Variants in MDFIC observed in about 807,000 individuals in gnomAD.
MDFIC encodes MyoD family inhibitor domain containing, also known as myoD family inhibitor domain-containing protein.
In MDFIC, 17 loss-of-function variants were observed where a neutral mutation model predicts 23.2. That is an observed-to-expected ratio of 0.73 (90% confidence interval 0.50 to 1.10). The LOEUF (loss-of-function observed/expected upper bound fraction) is 1.10, where lower values mean the gene tolerates loss of function less well. Among genes scored for constraint, MDFIC ranks in the 50% least tolerant of loss-of-function variants. The pLI, the probability that MDFIC is intolerant of heterozygous loss-of-function variation, is 0.00. For missense variants in MDFIC, 356 were observed against 316.6 expected, an observed-to-expected ratio of 1.12 and a Z score of -0.95; for synonymous variants, 120 against 115.2, an observed-to-expected ratio of 1.04 and a Z score of -0.27.
At chr7:115,000,135 C>G (rs1270778383) in intron 4 of MDFIC, among the ~76,000 whole-genome samples, 1 of 152,082 alleles carries the variant, frequency 6.6e-6, no homozygotes, top group East Asian at 1.9e-4. Context: ...GAACGGTGGT[C>G]CCATAAAATA....
chr7:114,949,552 A>T (rs759420388), intron 3 of MDFIC, among the ~76,000 whole-genome samples: 3 of 152,210 alleles, frequency 2.0e-5, no homozygotes, highest in Non-Finnish European at 4.4e-5. Flanking sequence ...GAAATTTGTG[A>T]ATTAGGAATT....
At chr7:115,013,307 G>C (rs1791718946) in intron 4 of MDFIC, among the ~76,000 whole-genome samples, 1 of 151,430 alleles carries the variant, frequency 6.6e-6, no homozygotes, top group African/African-American at 2.4e-5. Context: ...ACTAAAGGAG[G>C]CTTCAAAAAT....
In MDFIC at chr7:115,013,981, G is replaced by A. The variant is rs555540424; in HGVS notation, c.494-1707G>A. On this transcript the variant is annotated intron_variant, in intron 4 of 4. Transcript: ENST00000393486. ...TGTTTTTGTTTTTGTTTTTCCAGTC[G>A]CTGCATGGACCATCATATGTAAAAG... The A allele has an allele frequency of 2.0e-5, 20 of 985,066 alleles. 1 individual carries two copies. The highest frequency in any genetic ancestry group is 9.4e-5 in the South Asian group (2 of 21,264). 61.0% of individuals were successfully genotyped at this position (985,066 alleles called of 1,614,324 possible).
At chr7:114,959,229 A>G (rs953945235) in intron 3 of MDFIC, among the ~76,000 whole-genome samples, 2 of 152,228 alleles carry the variant, frequency 1.3e-5, no homozygotes, top group Non-Finnish European at 2.9e-5. Flanking sequence ...AGGTGTGATC[A>G]TAGCCTGGTC....
intron 4 of MDFIC, among the ~76,000 whole-genome samples, chr7:115,012,196 G>T (rs564453960): frequency 6.6e-6 from 1 of 152,010 alleles, no homozygotes; most frequent in East Asian, 1.9e-4. Flanking sequence ...CCAGTATCTC[G>T]AATATCTGAA....
chr7:114,966,354 C>T lies in MDFIC; in HGVS notation c.218-13152C>T, dbSNP rs575511441. The stretch of plus-strand genomic sequence containing the variant: ...GCCTGTTGTTACTTCTGATTTATGA[C>T]TGGGAAAGTCTGTGTTCATTGTGCT... On this transcript the variant is annotated intron_variant, in intron 3 of 4. Transcript: ENST00000393486. Among the ~76,000 whole-genome samples, 33 of 147,378 alleles carry T rather than the reference C, an allele frequency of 2.2e-4. No individual in the cohort carries two copies. In the South Asian group the frequency reaches 6.0e-3, roughly 27 times the overall value.
intron 3 of MDFIC, among the ~76,000 whole-genome samples, chr7:114,956,896 A>AG (rs2115842918): frequency 6.6e-6 from 1 of 152,314 alleles, no homozygotes; most frequent in South Asian, 2.1e-4. Context: ...GGTTTCTTAC[A>AG]GTTATGACTG....
At chr7:114,973,066 T>C (rs2115925883) in intron 3 of MDFIC, among the ~76,000 whole-genome samples, 1 of 151,096 alleles carries the variant, frequency 6.6e-6, no homozygotes, top group East Asian at 1.9e-4. Context: ...TTTAAGTCAT[T>C]TGGGCTAAAG....
At chr7:114,976,214 A>G (rs1793306027) in intron 3 of MDFIC, among the ~76,000 whole-genome samples, 1 of 152,158 alleles carries the variant, frequency 6.6e-6, no homozygotes, top group Admixed American at 6.6e-5. Flanking sequence ...ATTTTGAATT[A>G]TGAAATATGA....
chr7:115,003,479 A>G (rs763219549), intron 4 of MDFIC, among the ~76,000 whole-genome samples: 3 of 152,262 alleles, frequency 2.0e-5, no homozygotes, highest in Middle Eastern at 3.4e-3. Flanking sequence ...GTCACGCTTG[A>G]TTCTTCTCAT....
Position 114,923,037 on chromosome 7 carries a change from TCCGGCGCGGGCGAAGCCCTCGCTC to T in MDFIC, c.9_32del (p.Ala4_Gly11del), listed in dbSNP as rs1792120620. On this transcript the variant is annotated inframe_deletion, in exon 2 of 5. Transcript: ENST00000393486. ...CGCGGGCTCGGCGGAGCGGCCCATG[TCCGGCGCGGGCGAAGCCCTCGCTC>T]CCGGGCCCGTGGGGCCGCAGCGCGT... 1.5e-6 allele frequency: 2 copies of T among 1,373,428 alleles called. No homozygotes were observed. The highest frequency in any genetic ancestry group is 1.9e-6 in the Non-Finnish European group (2 of 1,065,978). The allele number at this position is 1,373,428 out of a possible 1,614,324, so 85.1% of individuals were successfully genotyped here.
chr7:115,011,566 TA>T (rs972306030), intron 4 of MDFIC, among the ~76,000 whole-genome samples: 4 of 151,992 alleles, frequency 2.6e-5, no homozygotes, highest in Non-Finnish European at 5.9e-5. Flanking sequence ...CCTAAGAACT[TA>T]AAAAAAATTC....
intron 4 of MDFIC, among the ~76,000 whole-genome samples, chr7:115,004,313 G>A (rs575073745): frequency 7.2e-5 from 11 of 152,264 alleles, no homozygotes; most frequent in South Asian, 6.2e-4. Context: ...CCAGTTGGGC[G>A]TGGTGACTCA....
intron 4 of MDFIC, among the ~76,000 whole-genome samples, chr7:115,009,762 G>C (rs1372012498): frequency 1.3e-5 from 2 of 152,190 alleles, no homozygotes; most frequent in Non-Finnish European, 2.9e-5. Context: ...GATTTTGTTT[G>C]GGATTGTGTC....
At position 114,922,264 on chromosome 7, in the gene MDFIC, G is replaced by A. The variant is rs1247308306; in HGVS notation, c.-480G>A. 1 of 709,406 alleles carries A rather than the reference G, an allele frequency of 1.4e-6. No individual in the cohort carries two copies. Among genetic ancestry groups the A allele is most frequent in the East Asian group, 3.4e-5 (1 of 29,298 alleles). 43.9% of individuals were successfully genotyped at this position (709,406 alleles called of 1,614,324 possible). A position where few individuals can be genotyped will look rare whatever the true frequency, so the allele number is the denominator to read the frequency against. On this transcript the variant is annotated 5_prime_UTR_variant, in exon 1 of 5. Transcript: ENST00000393486. ...TCGGGGCCGCTAGCCAAGAGTTCGA[G>A]GCCTTCCCGATCCGGATGTGATGAA...
intron 2 of MDFIC, among the ~76,000 whole-genome samples, chr7:114,934,493 G>A (rs1792387349): frequency 6.6e-6 from 1 of 151,992 alleles, no homozygotes; most frequent in South Asian, 2.1e-4. Context: ...TTTCTAATTT[G>A]CTGTGTACAT....
At chr7:114,924,249 C>T (rs139917129) in intron 2 of MDFIC, among the ~76,000 whole-genome samples, 1 of 152,106 alleles carries the variant, frequency 6.6e-6, no homozygotes, top group Non-Finnish European at 1.5e-5. Flanking sequence ...AGAAGCAGCC[C>T]GTGTTCTCCA....
At chr7:114,933,635 A>T (rs1792371443) in intron 2 of MDFIC, among the ~76,000 whole-genome samples, 1 of 152,170 alleles carries the variant, frequency 6.6e-6, no homozygotes, top group African/African-American at 2.4e-5. Context: ...GGATTTTGGC[A>T]ATCAGACAAC....
At chr7:115,009,606 C>A (rs986808150) in intron 4 of MDFIC, among the ~76,000 whole-genome samples, 17 of 152,204 alleles carry the variant, frequency 1.1e-4, no homozygotes, top group African/African-American at 4.1e-4. Context: ...TTCCTGGGAT[C>A]AGTCACAGAC....
Sources: gnomAD v4.1 joint callset for allele counts (sites outside exome capture counted in the v4.1 genomes callset) on GRCh38, gnomAD v4.1.1 for gene constraint, MANE v1.5 for transcripts, NCBI Gene and HGNC (gene_info 2026-07-23, HGNC 2026-07-21) for gene names.